Variants in SGCZ observed in about 807,000 individuals in gnomAD.
SGCZ encodes the protein zeta-sarcoglycan.
SGCZ carries 40 observed loss-of-function variants against 41.3 expected under a neutral mutation model. The observed-to-expected ratio is 0.97, with a 90% CI of 0.75 to 1.26. The LOEUF is 1.26. SGCZ is among the 50% of genes most tolerant of loss of function. The pLI, the probability that SGCZ is intolerant of heterozygous loss-of-function variation, is 0.00. For missense variants in SGCZ, 552 were observed against 369.8 expected, an observed-to-expected ratio of 1.49 and a Z score of -4.04; for synonymous variants, 206 against 137.5, an observed-to-expected ratio of 1.50 and a Z score of -3.49.
intron 1 of SGCZ, among the ~76,000 whole-genome samples, chr8:15,020,320 G>A (rs1289693646): frequency 6.6e-6 from 1 of 152,108 alleles, no homozygotes; most frequent in Non-Finnish European, 1.5e-5. Context: ...CATCCAAGGT[G>A]CACATTGCCA....
chr8:15,082,075 A>C (rs1451601805), intron 1 of SGCZ, among the ~76,000 whole-genome samples: 1 of 152,018 alleles, frequency 6.6e-6, no homozygotes, highest in Non-Finnish European at 1.5e-5. Flanking sequence ...CTAAAAATAC[A>C]AAAATTAGCT....
rs531779164 is a variant in SGCZ, at chr8:14,706,134, A to C, written c.40-151208T>G. On this transcript the variant is annotated intron_variant, in intron 1 of 7. Transcript: ENST00000382080. ...TCCCCCCCATGGTCTAATAGCTTTT[A>C]GTCTTCAATGAAATCTTATCTGTAA... 9.2e-5 allele frequency among the ~76,000 whole-genome samples: 14 copies of C among 152,140 alleles called. 1 individual carries two copies. In the East Asian group the frequency reaches 2.7e-3, roughly 29 times the overall value.
At position 14,260,327 on chromosome 8, in the gene SGCZ, C is replaced by T. The variant is rs1205129177; in HGVS notation, c.337-22648G>A. 2.0e-5 allele frequency among the ~76,000 whole-genome samples: 3 copies of T among 150,660 alleles called. No homozygotes were observed. The East Asian group carries it at 5.8e-4, about 29-fold the overall frequency. ...TTCTCAAAAGAAGACATTTATGCAG[C>T]CAAAAAACACATGAAACAATGCTCA... is the stretch of plus-strand genomic sequence containing the variant. On this transcript the variant is annotated intron_variant, in intron 3 of 7. Coordinates refer to ENST00000382080, the MANE Select transcript of SGCZ (RefSeq NM_139167.4).
intron 1 of SGCZ, among the ~76,000 whole-genome samples, chr8:14,646,114 T>C (rs1455141012): frequency 6.6e-6 from 1 of 151,866 alleles, no homozygotes; most frequent in Non-Finnish European, 1.5e-5. Context: ...GTCACATGGT[T>C]ATACCGCATG....
chr8:14,798,227 T>C (rs563321595), intron 1 of SGCZ, among the ~76,000 whole-genome samples: 33 of 152,334 alleles, frequency 2.2e-4, no homozygotes, highest in African/African-American at 7.7e-4. Context: ...TAAAAAATCA[T>C]TGACCCAATG....
chr8:15,079,829 C>T (rs1805674598), intron 1 of SGCZ, among the ~76,000 whole-genome samples: 1 of 152,090 alleles, frequency 6.6e-6, no homozygotes, highest in African/African-American at 2.4e-5. Context: ...ATCCTATCGC[C>T]CAAGTAGGGA....
At chr8:15,215,007 A>G (rs1801353338) in intron 1 of SGCZ, among the ~76,000 whole-genome samples, 2 of 152,196 alleles carry the variant, frequency 1.3e-5, no homozygotes, top group African/African-American at 2.4e-5. Context: ...ACTCATCTGC[A>G]TGCTTCTTTA....
At chr8:15,113,166 G>A (rs923553461) in intron 1 of SGCZ, among the ~76,000 whole-genome samples, 28 of 149,188 alleles carry the variant, frequency 1.9e-4, no homozygotes, top group African/African-American at 3.7e-4. Flanking sequence ...CCATAATCAC[G>A]CCACTGCACT....
intron 2 of SGCZ, among the ~76,000 whole-genome samples, chr8:14,482,724 T>A (rs1306690991): frequency 6.6e-6 from 1 of 152,022 alleles, no homozygotes; most frequent in Non-Finnish European, 1.5e-5. Flanking sequence ...TACAACCTGC[T>A]GAGGGCCCGA....
At chr8:14,705,887 A>T (rs1186699759) in intron 1 of SGCZ, among the ~76,000 whole-genome samples, 2 of 152,070 alleles carry the variant, frequency 1.3e-5, no homozygotes, top group Non-Finnish European at 2.9e-5. Flanking sequence ...ATATTTTTAG[A>T]GAAAGTCTCT....
At chr8:14,534,691 T>C (rs1803242122) in intron 2 of SGCZ, among the ~76,000 whole-genome samples, 1 of 147,720 alleles carries the variant, frequency 6.8e-6, no homozygotes, top group South Asian at 2.2e-4. Context: ...GGGTACAAGG[T>C]AACAATATCC....
intron 2 of SGCZ, among the ~76,000 whole-genome samples, chr8:14,419,196 A>G (rs1165562160): frequency 6.6e-6 from 1 of 151,930 alleles, no homozygotes; most frequent in Non-Finnish European, 1.5e-5. Context: ...CTCAATTCAG[A>G]AGCTAAAAGA....
chr8:14,613,588 A>G (rs894940809), intron 1 of SGCZ, among the ~76,000 whole-genome samples: 6 of 152,190 alleles, frequency 3.9e-5, no homozygotes, highest in African/African-American at 1.4e-4. Context: ...CAATCATTAA[A>G]AACAAATCCT....
chr8:14,573,353 G>A (rs921945907), intron 1 of SGCZ, among the ~76,000 whole-genome samples: 10 of 146,090 alleles, frequency 6.8e-5, no homozygotes, highest in Non-Finnish European at 1.4e-4. Context: ...GCCCTCCATC[G>A]CGCCCGGCTA....
At chr8:14,130,367 A>G (rs1479827645) in intron 5 of SGCZ, among the ~76,000 whole-genome samples, 1 of 152,184 alleles carries the variant, frequency 6.6e-6, no homozygotes, top group African/African-American at 2.4e-5. Context: ...ATTATTGTCA[A>G]AAATATGGAG....
chr8:14,182,504 C>T (rs1585208528), intron 4 of SGCZ, among the ~76,000 whole-genome samples: 1 of 152,174 alleles, frequency 6.6e-6, no homozygotes, highest in East Asian at 1.9e-4. Context: ...TACTCATCTA[C>T]TCATCCAGCT....
intron 4 of SGCZ, among the ~76,000 whole-genome samples, chr8:14,230,686 C>A (rs1474794201): frequency 6.7e-6 from 1 of 150,248 alleles, no homozygotes; most frequent in Non-Finnish European, 1.5e-5. Flanking sequence ...TAGTGAAAAT[C>A]TATATATTCC....
At chr8:14,756,657 G>A (rs1042068015) in intron 1 of SGCZ, among the ~76,000 whole-genome samples, 1 of 152,092 alleles carries the variant, frequency 6.6e-6, no homozygotes, top group African/African-American at 2.4e-5. Flanking sequence ...TTTTGTTGGA[G>A]GCTACATAAC....
At chr8:14,234,963 C>T (rs1806702879) in intron 4 of SGCZ, among the ~76,000 whole-genome samples, 1 of 152,152 alleles carries the variant, frequency 6.6e-6, no homozygotes, top group African/African-American at 2.4e-5. Context: ...AGATTTCTCC[C>T]ATAATATCAC....
Sources: allele counts gnomAD v4.1 joint callset (sites outside exome capture counted in the v4.1 genomes callset), GRCh38; gene constraint gnomAD v4.1.1; transcripts MANE v1.5; gene names NCBI Gene and HGNC (gene_info 2026-07-23, HGNC 2026-07-21).